Variants in PHLDB2 observed in about 807,000 individuals in gnomAD.
The protein encoded by PHLDB2 is pleckstrin homology like domain family B member 2.
Under a neutral mutation model 123.6 loss-of-function variants are expected in PHLDB2, and 71 were observed. The observed-to-expected ratio is 0.57, with a 90% CI of 0.47 to 0.70. The LOEUF (loss-of-function observed/expected upper bound fraction) is 0.70. PHLDB2 is among the 30% of genes least tolerant of loss of function. The pLI is 0.00. For synonymous variants in PHLDB2, 547 were observed against 541.6 expected (o/e 1.01, Z -0.14); for missense variants, 1,446 against 1,519.5 (o/e 0.95, Z 0.80).
At chr3:111,914,036 A>G (rs760462431) in intron 3 of PHLDB2, 14 of 283,970 alleles carry the variant, frequency 4.9e-5, no homozygotes, top group Middle Eastern at 1.1e-3. Flanking sequence ...TTTTCTGTGT[A>G]TATATGGCTA....
chr3:111,759,563 A>C (rs922221916), intron 1 of PHLDB2, among the ~76,000 whole-genome samples: 1 of 152,202 alleles, frequency 6.6e-6, no homozygotes, highest in Non-Finnish European at 1.5e-5. Flanking sequence ...GTGTGTGTGT[A>C]TGCATGCACA....
At chr3:111,917,676 T>G (rs970095056) in intron 3 of PHLDB2, 2 of 152,238 alleles carry the variant, frequency 1.3e-5, no homozygotes, top group Admixed American at 1.3e-4. Context: ...TTGGAAGAGC[T>G]GCTTACCTTT....
chr3:111,773,698 A>G (rs888622414), intron 1 of PHLDB2, among the ~76,000 whole-genome samples: 1 of 152,234 alleles, frequency 6.6e-6, no homozygotes, highest in African/African-American at 2.4e-5. Flanking sequence ...TTTGTTGATT[A>G]AATAAATAAA....
chr3:111,975,318 AG>A lies in PHLDB2; in HGVS notation c.*756del, dbSNP rs1215140158. On this transcript the variant is annotated 3_prime_UTR_variant, in exon 18 of 18. Transcript: ENST00000431670. Reference sequence around the variant, plus strand: ...AAAAGCTGTGTGTTTTAGAAAAAAAAGCCAGGTTACGCAACAGGCATTCTGT... The same window carrying A: ...AAAAGCTGTGTGTTTTAGAAAAAAAACCAGGTTACGCAACAGGCATTCTGT... The A allele has an allele frequency of 6.6e-6, 1 of 152,206 alleles. No homozygotes were observed. The highest frequency in any genetic ancestry group is 1.5e-5 in the Non-Finnish European group (1 of 68,038). The allele number at this position is 152,206 out of a possible 1,614,324, so 9.4% of individuals were successfully genotyped here. A position where few individuals can be genotyped will look rare whatever the true frequency, so the allele number is the denominator to read the frequency against.
At chr3:111,732,825 T>C (rs1941545637) in intron 1 of PHLDB2, 1 of 743,402 alleles carries the variant, frequency 1.3e-6, no homozygotes, top group Non-Finnish European at 2.2e-6. Flanking sequence ...CCCGGGTGTG[T>C]GTCTGAATTC....
At chr3:111,838,259 C>A (rs900186154) in intron 1 of PHLDB2, among the ~76,000 whole-genome samples, 1 of 152,168 alleles carries the variant, frequency 6.6e-6, no homozygotes, top group African/African-American at 2.4e-5. Flanking sequence ...CCTTTATCTC[C>A]TGATCGGCTG....
intron 2 of PHLDB2, among the ~76,000 whole-genome samples, chr3:111,912,120 T>A (rs1021729190): frequency 6.6e-5 from 10 of 152,172 alleles, no homozygotes; most frequent in Non-Finnish European, 1.5e-4. Flanking sequence ...CAATAGATGG[T>A]TTTTGTTTTT....
intron 10 of PHLDB2, among the ~76,000 whole-genome samples, chr3:111,951,703 A>G (rs150092579): frequency 1.7e-3 from 253 of 152,212 alleles, no homozygotes; most frequent in African/African-American, 5.8e-3. Context: ...TCTTATCTAT[A>G]TGTTTCAAAT....
At chr3:111,861,697 TA>T (rs1399610301) in intron 1 of PHLDB2, among the ~76,000 whole-genome samples, 1 of 152,216 alleles carries the variant, frequency 6.6e-6, no homozygotes, top group Non-Finnish European at 1.5e-5. Flanking sequence ...AGAGCTTGCT[TA>T]CTCCTCCGTT....
intron 2 of PHLDB2, among the ~76,000 whole-genome samples, chr3:111,851,908 C>A (rs1010749844): frequency 2.0e-5 from 3 of 151,976 alleles, no homozygotes; most frequent in African/African-American, 7.3e-5. Flanking sequence ...GCTTTACTGT[C>A]CTCCTACATT....
chr3:111,896,711 A>G (rs190860780), intron 2 of PHLDB2, among the ~76,000 whole-genome samples: 1 of 151,974 alleles, frequency 6.6e-6, no homozygotes, highest in African/African-American at 2.4e-5. Flanking sequence ...AGATTATGGG[A>G]ATATTTGCTG....
chr3:111,871,673 CA>C (rs990513271), intron 1 of PHLDB2, among the ~76,000 whole-genome samples: 3 of 151,948 alleles, frequency 2.0e-5, no homozygotes, highest in African/African-American at 7.2e-5. Flanking sequence ...AAAAAAACTC[CA>C]AAAAAACCTT....
chr3:111,973,581 G>A, intron 16 of PHLDB2, 151 bp from the exon 17 acceptor site: 1 of 435,856 alleles, frequency 2.3e-6, no homozygotes, highest in Non-Finnish European at 4.1e-6. Context: ...ATAGATAGAA[G>A]GGGCCTCATG....
At chr3:111,754,792 A>G (rs1417177442) in intron 1 of PHLDB2, among the ~76,000 whole-genome samples, 1 of 148,272 alleles carries the variant, frequency 6.7e-6, no homozygotes, top group African/African-American at 2.5e-5. Context: ...TGGGTTTGTT[A>G]TAGATAGCTC....
intron 12 of PHLDB2, among the ~76,000 whole-genome samples, chr3:111,960,636 T>C (rs1380809513): frequency 6.6e-6 from 1 of 152,242 alleles, no homozygotes; most frequent in African/African-American, 2.4e-5. Flanking sequence ...TTACTTCTCT[T>C]CTTTCATCCT....
chr3:111,811,347 T>C (rs1234255033), intron 1 of PHLDB2, among the ~76,000 whole-genome samples: 1 of 152,160 alleles, frequency 6.6e-6, no homozygotes, highest in African/African-American at 2.4e-5. Context: ...AAATGTATTC[T>C]ACTGTGGTCA....
At chr3:111,801,752 A>G (rs2061386545) in intron 1 of PHLDB2, among the ~76,000 whole-genome samples, 1 of 152,206 alleles carries the variant, frequency 6.6e-6, no homozygotes, top group African/African-American at 2.4e-5. Context: ...GAGATCACAT[A>G]ACATATAATT....
intron 1 of PHLDB2, among the ~76,000 whole-genome samples, chr3:111,748,923 TC>T (rs1342236918): frequency 6.6e-6 from 1 of 152,064 alleles, no homozygotes; most frequent in Non-Finnish European, 1.5e-5. Flanking sequence ...TATTTCCAAG[TC>T]ATACTCTAAA....
chr3:111,793,835 C>A (rs1328131959), intron 1 of PHLDB2, among the ~76,000 whole-genome samples: 4 of 151,676 alleles, frequency 2.6e-5, no homozygotes, highest in Admixed American at 2.6e-4. Flanking sequence ...GGAATGGGGG[C>A]CTCAGGACTC....
Sources: gnomAD v4.1 joint callset for allele counts (sites outside exome capture counted in the v4.1 genomes callset) on GRCh38, gnomAD v4.1.1 for gene constraint, MANE v1.5 for transcripts, NCBI Gene and HGNC (gene_info 2026-07-23, HGNC 2026-07-21) for gene names.